ZNF423: variants seen among roughly 807,000 people sequenced by gnomAD.
ZNF423 encodes Ebf-associated zinc finger protein.
A neutral mutation model predicts 95.8 loss-of-function variants in ZNF423; 12 were observed. That is an observed-to-expected ratio of 0.13 (90% CI 0.08 to 0.20). The LOEUF (loss-of-function observed/expected upper bound fraction) is 0.20. Among genes scored for constraint, ZNF423 ranks in the 10% least tolerant of loss-of-function variants. The pLI, the probability that ZNF423 is intolerant of heterozygous loss-of-function variation, is 1.00. For synonymous variants in ZNF423, 749 were observed against 711.9 expected, an observed-to-expected ratio of 1.05 and a Z score of -0.83; for missense variants, 1,316 against 1,737.1, an observed-to-expected ratio of 0.76 and a Z score of 4.31.
At chr16:49,752,535 C>T (rs2033651669) in intron 2 of ZNF423, among the ~76,000 whole-genome samples, 3 of 152,180 alleles carry the variant, frequency 2.0e-5, no homozygotes, top group Admixed American at 6.5e-5. Flanking sequence ...CCAGGGAGGC[C>T]AGGGAGACTG....
At chr16:49,755,323 C>T (rs553976804) in intron 2 of ZNF423, among the ~76,000 whole-genome samples, 1 of 152,344 alleles carries the variant, frequency 6.6e-6, no homozygotes, top group African/African-American at 2.4e-5. Flanking sequence ...CCCGCCTCCT[C>T]GCCCGCTTTC....
chr16:49,647,661 T>G (rs1973230820), intron 3 of ZNF423, among the ~76,000 whole-genome samples: 1 of 152,162 alleles, frequency 6.6e-6, no homozygotes, highest in East Asian at 1.9e-4. Flanking sequence ...GAGCAGCCTC[T>G]AAGAACTGGA....
At chr16:49,607,762 A>G (rs1971584498) in intron 5 of ZNF423, among the ~76,000 whole-genome samples, 1 of 152,262 alleles carries the variant, frequency 6.6e-6, no homozygotes, top group South Asian at 2.1e-4. Context: ...TCGAAATCTC[A>G]GGAACATCCA....
chr16:49,711,003 C>T (rs1342538636), intron 3 of ZNF423, among the ~76,000 whole-genome samples: 1 of 152,150 alleles, frequency 6.6e-6, no homozygotes, highest in African/African-American at 2.4e-5. Flanking sequence ...CCTCTGTGGG[C>T]CCCTCAAGCA....
At chr16:49,618,715 C>G (rs1317991361) in intron 5 of ZNF423, among the ~76,000 whole-genome samples, 1 of 152,184 alleles carries the variant, frequency 6.6e-6, no homozygotes, top group Non-Finnish European at 1.5e-5. Context: ...ACATGAACCA[C>G]TGCTAGCATC....
At chr16:49,657,898 C>A (rs2029971102) in intron 3 of ZNF423, among the ~76,000 whole-genome samples, 1 of 152,216 alleles carries the variant, frequency 6.6e-6, no homozygotes, top group African/African-American at 2.4e-5. Context: ...TCCACAGCCC[C>A]TAATCTGCAC....
chr16:49,836,346 G>C (rs1464119291), intron 1 of ZNF423, among the ~76,000 whole-genome samples: 1 of 151,982 alleles, frequency 6.6e-6, no homozygotes, highest in Non-Finnish European at 1.5e-5. Context: ...TGAGCCTCAG[G>C]AGCAGGCCCA....
chr16:49,723,749 G>C (rs2032931697), intron 3 of ZNF423, among the ~76,000 whole-genome samples: 1 of 152,146 alleles, frequency 6.6e-6, no homozygotes, highest in Non-Finnish European at 1.5e-5. Flanking sequence ...TGTCAGGAGT[G>C]AGGGAAGGAT....
At chr16:49,599,006 G>A (rs113920478) in intron 5 of ZNF423, among the ~76,000 whole-genome samples, 193 of 152,336 alleles carry the variant, frequency 1.3e-3, no homozygotes, top group African/African-American at 4.2e-3. Flanking sequence ...GAAAGCCCCA[G>A]TTTCTGAACT....
intron 1 of ZNF423, among the ~76,000 whole-genome samples, chr16:49,804,830 A>G (rs1280272527): frequency 2.0e-5 from 3 of 151,978 alleles, no homozygotes; most frequent in Non-Finnish European, 4.4e-5. Flanking sequence ...TGGTGTGTAT[A>G]AAGTGCATGG....
intron 3 of ZNF423, among the ~76,000 whole-genome samples, chr16:49,673,658 A>G (rs2030919057): frequency 6.6e-6 from 1 of 152,268 alleles, no homozygotes; most frequent in Non-Finnish European, 1.5e-5. Context: ...ATGCTTATGC[A>G]AGGTGTGCAA....
intron 1 of ZNF423, chr16:49,854,926 G>C: frequency 2.0e-6 from 2 of 984,974 alleles, no homozygotes; most frequent in Non-Finnish European, 2.4e-6. Context: ...GCCGGTGCCC[G>C]GGGTCAGATC....
intron 7 of ZNF423, among the ~76,000 whole-genome samples, chr16:49,507,996 G>A (rs1353004710): frequency 1.3e-5 from 2 of 152,184 alleles, no homozygotes; most frequent in Non-Finnish European, 2.9e-5. Context: ...GCCATTTAGT[G>A]TGGTGGTGAA....
At chr16:49,616,101 G>T (rs72793563) in intron 5 of ZNF423, among the ~76,000 whole-genome samples, 2,703 of 152,168 alleles carry the variant, frequency 0.018, 40 homozygotes, top group Middle Eastern at 0.034. Flanking sequence ...GGACAAAATG[G>T]CAAAGACTGT....
At chr16:49,557,927 G>C (rs1597099970) in intron 5 of ZNF423, among the ~76,000 whole-genome samples, 1 of 152,220 alleles carries the variant, frequency 6.6e-6, no homozygotes, top group African/African-American at 2.4e-5. Flanking sequence ...CCCAAAGCCA[G>C]AGAGGGCTGG....
At chr16:49,754,247 A>G (rs1428702312) in intron 2 of ZNF423, among the ~76,000 whole-genome samples, 4 of 152,114 alleles carry the variant, frequency 2.6e-5, no homozygotes, top group East Asian at 3.9e-4. Context: ...TCATCATTGC[A>G]TTTATCAGTT....
rs143123495 is a variant in ZNF423 at position 49,517,190 on chromosome 16, T to C, written c.3849+6434A>G. On this transcript the variant is annotated intron_variant, in intron 7 of 7. Transcript: ENST00000563137. ...AGGGCTGCCAAAAACCCAACATTGC[T>C]TCCTGCTCTTAGCATCCAAAATCCA... 6.0e-4 allele frequency among the ~76,000 whole-genome samples: 92 copies of C among 152,328 alleles called. No homozygotes were observed. The East Asian group carries it at 0.013, about 22-fold the overall frequency.
chr16:49,765,340 T>C (rs1350323413), intron 2 of ZNF423, among the ~76,000 whole-genome samples: 2 of 152,170 alleles, frequency 1.3e-5, no homozygotes, highest in East Asian at 1.9e-4. Flanking sequence ...GAAAGGTGAA[T>C]GTACTGTAAC....
intron 3 of ZNF423, among the ~76,000 whole-genome samples, chr16:49,729,748 G>A (rs2033116279): frequency 6.6e-6 from 1 of 151,762 alleles, no homozygotes; most frequent in African/African-American, 2.4e-5. Flanking sequence ...CCCTGTGCAG[G>A]CACAGATGTC....
Sources: allele counts gnomAD v4.1 joint callset (sites outside exome capture counted in the v4.1 genomes callset), GRCh38; gene constraint gnomAD v4.1.1; transcripts MANE v1.5; gene names NCBI Gene and HGNC (gene_info 2026-07-23, HGNC 2026-07-21).